PLPPR1: variants seen among roughly 807,000 people sequenced by gnomAD.
The protein encoded by PLPPR1 is phospholipid phosphatase related 1.
In PLPPR1, 10 loss-of-function variants were observed where a neutral mutation model predicts 33.1. That is an observed-to-expected ratio of 0.30 (90% confidence interval 0.19 to 0.51). The LOEUF (loss-of-function observed/expected upper bound fraction) is 0.51, where lower values mean the gene tolerates loss of function less well. Among genes scored for constraint, PLPPR1 ranks in the 20% least tolerant of loss-of-function variants. PLPPR1 has a pLI of 0.97. For missense variants in PLPPR1, 304 were observed against 408.1 expected (o/e 0.74, Z 2.20); for synonymous variants, 151 against 151.0 (o/e 1.00, Z 0.00).
intron 1 of PLPPR1, among the ~76,000 whole-genome samples, chr9:101,040,934 G>T (rs914989636): frequency 6.6e-6 from 1 of 152,032 alleles, no homozygotes; most frequent in Non-Finnish European, 1.5e-5. Flanking sequence ...AAAAAATATC[G>T]TCTTGAGAAT....
At position 101,286,176 on chromosome 9, in the gene PLPPR1, A is replaced by C. The variant is rs1212081542; in HGVS notation, c.325A>C (p.Ile109Leu). The change falls in exon 4 of 8, where the codon ATT becomes CTT. Residue 109 changes from isoleucine to leucine, a missense_variant. Physicochemically the swap from Ile to Leu is conservative, Grantham distance 5. Coordinates refer to ENST00000374874, the MANE Select transcript of PLPPR1 (RefSeq NM_207299.2). ...RESLIAQEKTILTGECCYLNP... is the reference protein window; with the variant it reads ...RESLIAQEKTLLTGECCYLNP... ...ATCCCTGATTGCTCAGGAGAAAACA[A>C]TTCTGACCGGAGAATGCTGTTACCT... 6.2e-7 allele frequency: 1 copy of C among 1,613,712 alleles called. No individual in the cohort carries two copies. Among genetic ancestry groups the C allele is most frequent in the South Asian group, 1.1e-5 (1 of 91,066 alleles).
rs535179582 is a variant in PLPPR1, at chr9:101,280,060, G to A, written c.253-6044G>A. 3.9e-5 allele frequency among the ~76,000 whole-genome samples: 6 copies of A among 152,094 alleles called. No homozygotes were observed. The South Asian group carries it at 1.0e-3, about 26-fold the overall frequency. ...GACAAACAGTTAGCCAGACCAAGAC[G>A]AAAAGAGATGACTCAAACAAATAAA... On this transcript the variant is annotated intron_variant, in intron 3 of 7. Coordinates refer to ENST00000374874, the MANE Select transcript of PLPPR1 (RefSeq NM_207299.2).
intron 1 of PLPPR1, among the ~76,000 whole-genome samples, chr9:101,178,917 C>T (rs576205734): frequency 1.3e-5 from 2 of 152,250 alleles, no homozygotes; most frequent in South Asian, 4.2e-4. Context: ...GTTCTGCTGG[C>T]CTAGAGGTCT....
intron 2 of PLPPR1, among the ~76,000 whole-genome samples, chr9:101,206,295 A>G (rs1275800903): frequency 6.6e-6 from 1 of 152,208 alleles, no homozygotes; most frequent in Non-Finnish European, 1.5e-5. Context: ...TGTGACATAC[A>G]CAATACACAT....
At chr9:101,101,971 C>T (rs960713779) in intron 1 of PLPPR1, among the ~76,000 whole-genome samples, 2 of 152,052 alleles carry the variant, frequency 1.3e-5, no homozygotes, top group African/African-American at 4.8e-5. Context: ...TCTGCCATCA[C>T]CTCTTCCATG....
chr9:101,044,091 AG>A (rs1564128979), intron 1 of PLPPR1, among the ~76,000 whole-genome samples: 1 of 152,248 alleles, frequency 6.6e-6, no homozygotes, highest in African/African-American at 2.4e-5. Context: ...ACAGAGTGGG[AG>A]AAAATCTTCA....
chr9:101,127,883 G>A (rs1831265562), intron 1 of PLPPR1, among the ~76,000 whole-genome samples: 2 of 152,134 alleles, frequency 1.3e-5, no homozygotes, highest in Non-Finnish European at 1.5e-5. Context: ...TAAATGAGGA[G>A]AATGAAACAG....
chr9:101,244,897 A>C (rs981770050), intron 2 of PLPPR1, among the ~76,000 whole-genome samples: 1 of 152,034 alleles, frequency 6.6e-6, no homozygotes, highest in Non-Finnish European at 1.5e-5. Context: ...GCAAAAAAAC[A>C]CATAAATAGG....
chr9:101,251,086 T>C (rs887618652), intron 2 of PLPPR1, among the ~76,000 whole-genome samples: 8 of 152,056 alleles, frequency 5.3e-5, no homozygotes, highest in Non-Finnish European at 8.8e-5. Flanking sequence ...CCTTCATGTC[T>C]CACTTGGATG....
chr9:101,149,165 G>A (rs1439261032), intron 1 of PLPPR1, among the ~76,000 whole-genome samples: 2 of 151,966 alleles, frequency 1.3e-5, no homozygotes. Flanking sequence ...TGAGATAGTG[G>A]GAAAACACTG....
chr9:101,047,248 T>G (rs1830164418), intron 1 of PLPPR1, among the ~76,000 whole-genome samples: 1 of 152,180 alleles, frequency 6.6e-6, no homozygotes, highest in Admixed American at 6.5e-5. Flanking sequence ...GATTAAGGGA[T>G]TTTTGCTCCT....
At position 101,211,929 on chromosome 9, in the gene PLPPR1, A is replaced by C. The variant is rs959870355; in HGVS notation, c.63+26372A>C. 5.3e-5 allele frequency among the ~76,000 whole-genome samples: 8 copies of C among 152,242 alleles called. 1 individual carries two copies. Among genetic ancestry groups the C allele is most frequent in the African/African-American group, 1.7e-4 (7 of 41,460 alleles). ...CTCCACTTTACATACAAGGAAACAAATACAGAGAGGTGAATTAAATTGGCC... is the reference window on the plus strand; with the variant it reads ...CTCCACTTTACATACAAGGAAACAACTACAGAGAGGTGAATTAAATTGGCC... On this transcript the variant is annotated intron_variant, in intron 2 of 7. Coordinates refer to ENST00000374874, the MANE Select transcript of PLPPR1 (RefSeq NM_207299.2).
intron 4 of PLPPR1, among the ~76,000 whole-genome samples, chr9:101,298,099 G>A (rs1003965682): frequency 6.6e-6 from 1 of 152,070 alleles, no homozygotes; most frequent in Non-Finnish European, 1.5e-5. Context: ...CATATAGAAG[G>A]AAAACCAAAT....
At chr9:101,276,981 G>A (rs1396385999) in intron 3 of PLPPR1, among the ~76,000 whole-genome samples, 1 of 152,170 alleles carries the variant, frequency 6.6e-6, no homozygotes, top group Non-Finnish European at 1.5e-5. Flanking sequence ...GCAAGTAAGG[G>A]GACAGGAAGC....
At chr9:101,274,154 C>T (rs947746116) in intron 3 of PLPPR1, among the ~76,000 whole-genome samples, 5 of 152,136 alleles carry the variant, frequency 3.3e-5, no homozygotes, top group African/African-American at 9.7e-5. Flanking sequence ...TATGAAACCC[C>T]GATTCAGCTT....
At chr9:101,274,298 A>G (rs1403085171) in intron 3 of PLPPR1, among the ~76,000 whole-genome samples, 1 of 152,236 alleles carries the variant, frequency 6.6e-6, no homozygotes, top group African/African-American at 2.4e-5. Context: ...CAAAGAACAT[A>G]GAGAAAGTGT....
intron 1 of PLPPR1, among the ~76,000 whole-genome samples, chr9:101,151,023 A>T (rs142365173): frequency 3.3e-5 from 5 of 152,100 alleles, no homozygotes; most frequent in African/African-American, 1.2e-4. Flanking sequence ...ATTTAAATGA[A>T]TTTTTTCCTG....
intron 1 of PLPPR1, among the ~76,000 whole-genome samples, chr9:101,060,251 T>C (rs950478800): frequency 6.6e-6 from 1 of 152,062 alleles, no homozygotes; most frequent in African/African-American, 2.4e-5. Flanking sequence ...ATTTCACTTA[T>C]ACGTGGAGTG....
In PLPPR1 at chr9:101,078,815, CG is replaced by C. The variant is rs552130555; in HGVS notation, c.-46+49714del. ...CTCAATTCTTGTATGTTTCTTAGTA[CG>C]AAAAAAAAGTATTCTCAGTTTCTCA... On this transcript the variant is annotated intron_variant, in intron 1 of 7. Transcript: ENST00000374874. 1.4e-3 allele frequency among the ~76,000 whole-genome samples: 217 copies of C among 151,034 alleles called. 1 individual carries two copies. The highest frequency in any genetic ancestry group is 0.014 in the Admixed American group (206 of 15,156).
Sources: gnomAD v4.1 joint callset for allele counts (sites outside exome capture counted in the v4.1 genomes callset) on GRCh38, gnomAD v4.1.1 for gene constraint, MANE v1.5 for transcripts, NCBI Gene and HGNC (gene_info 2026-07-23, HGNC 2026-07-21) for gene names.